Variants in ZMYND8 observed in about 807,000 individuals in gnomAD.
ZMYND8 encodes the protein MYND-type zinc finger-containing chromatin reader ZMYND8.
Under a neutral mutation model 140.8 loss-of-function variants are expected in ZMYND8, and 37 were observed. The ratio of observed to expected loss-of-function variants is 0.26; its 90% confidence interval spans 0.20 to 0.35. The LOEUF is 0.35. Ranked by LOEUF, ZMYND8 falls within the 10% of genes least tolerant of loss-of-function variation. The pLI, the probability that ZMYND8 is intolerant of heterozygous loss-of-function variation, is 1.00. For synonymous variants in ZMYND8, 592 were observed against 597.1 expected (o/e 0.99, Z 0.12); for missense variants, 1,068 against 1,570.0 (o/e 0.68, Z 5.40).
rs369646560 is a variant in ZMYND8 at position 47,236,467 on chromosome 20, G to A, written c.2715C>T (p.Thr905=). 3 of 1,609,912 alleles carry A rather than the reference G, an allele frequency of 1.9e-6. No individual in the cohort carries two copies. Among genetic ancestry groups the A allele is most frequent in the Non-Finnish European group, 2.5e-6 (3 of 1,177,716 alleles). The stretch of plus-strand genomic sequence containing the variant: ...GCGATGACTGTGTGCTGGTCACCAG[G>A]GTGATGGTGGACGTGGATGGGCTCT... The part of the protein sequence containing the change: ...ITQSPSTSTI[T]LVTSTQSSPL... The change falls in exon 16 of 23, where the codon ACC becomes ACT. Residue 905 remains threonine (T), a synonymous_variant. Coordinates refer to ENST00000471951, the MANE Select transcript of ZMYND8 (RefSeq NM_001281775.3).
chr20:47,308,904 C>T (rs1027943031), intron 3 of ZMYND8, among the ~76,000 whole-genome samples: 2 of 152,226 alleles, frequency 1.3e-5, no homozygotes, highest in Non-Finnish European at 2.9e-5. Context: ...CCAGGGCCCA[C>T]TCCTCTACTC....
chr20:47,324,870 T>C (rs937178700), intron 2 of ZMYND8, among the ~76,000 whole-genome samples: 3 of 152,344 alleles, frequency 2.0e-5, no homozygotes, highest in African/African-American at 7.2e-5. Context: ...AAGTTATTTT[T>C]TTCCCTTCAT....
intron 2 of ZMYND8, among the ~76,000 whole-genome samples, chr20:47,335,679 A>C (rs1042358455): frequency 6.6e-6 from 1 of 152,226 alleles, no homozygotes; most frequent in African/African-American, 2.4e-5. Context: ...AATAATAGTC[A>C]CACAAACATA....
At chr20:47,265,068 A>ATATATATATATATATATATATATATAT (rs1555948705) in intron 11 of ZMYND8, among the ~76,000 whole-genome samples, 1 of 144,490 alleles carries the variant, frequency 6.9e-6, no homozygotes, top group South Asian at 2.2e-4. Flanking sequence ...ATATATATAT[A>ATATATATATATATATATATATATATAT]GGCATTTTAA....
chr20:47,293,220 G>C (rs143798320), intron 5 of ZMYND8, among the ~76,000 whole-genome samples: 26 of 74,298 alleles, frequency 3.5e-4, no homozygotes, highest in South Asian at 5.5e-4. Context: ...GGCAGGCAGG[G>C]AGGGAGGGAG....
rs781684374 is a variant in ZMYND8 at position 47,347,853 on chromosome 20, C to A, written c.85+3G>T. On this transcript the variant is annotated splice_donor_region_variant and intron_variant, in intron 2 of 22. Coordinates refer to ENST00000471951, the MANE Select transcript of ZMYND8 (RefSeq NM_001281775.3). ...GAATAGATAATACAAGATTTTTACT[C>A]ACCTTTGGAGCGAGTAGAGATATCC... 6.2e-7 allele frequency: 1 copy of A among 1,613,542 alleles called. No individual in the cohort carries two copies. Among genetic ancestry groups the A allele is most frequent in the Non-Finnish European group, 8.5e-7 (1 of 1,179,904 alleles).
intron 3 of ZMYND8, among the ~76,000 whole-genome samples, chr20:47,303,245 T>TAC (rs1489992699): frequency 6.6e-6 from 1 of 152,042 alleles, no homozygotes; most frequent in African/African-American, 2.4e-5. Context: ...AGATAAGCTA[T>TAC]ACATACCAAG....
chr20:47,255,112 G>A (rs764699452), intron 12 of ZMYND8, among the ~76,000 whole-genome samples: 20 of 152,024 alleles, frequency 1.3e-4, no homozygotes, highest in Non-Finnish European at 2.5e-4. Flanking sequence ...ACAGAGCGAC[G>A]CTCCATCTCA....
At chr20:47,331,315 C>T (rs1422237981) in intron 2 of ZMYND8, among the ~76,000 whole-genome samples, 1 of 152,096 alleles carries the variant, frequency 6.6e-6, no homozygotes, top group African/African-American at 2.4e-5. Flanking sequence ...TGGTGATAGG[C>T]TGGTTGAAGT....
chr20:47,338,339 C>T (rs2081551389), intron 2 of ZMYND8, among the ~76,000 whole-genome samples: 1 of 152,100 alleles, frequency 6.6e-6, no homozygotes. Context: ...GCAGTCCATC[C>T]CTTTCCTGCT....
At chr20:47,356,344 AAAG>A (rs756591020) in intron 1 of ZMYND8, 100 of 1,461,786 alleles carry the variant, frequency 6.8e-5, no homozygotes, top group African/African-American at 3.4e-4. Flanking sequence ...AAAAAAAAAA[AAAG>A]AAGGAAAAAA....
intron 2 of ZMYND8, among the ~76,000 whole-genome samples, chr20:47,313,402 T>A: frequency 6.8e-6 from 1 of 147,822 alleles, no homozygotes; most frequent in Non-Finnish European, 1.5e-5. Context: ...GCGGGCGGAT[T>A]ACAAAGTCAG....
At chr20:47,216,737 G>A (rs1297681320) in intron 21 of ZMYND8, among the ~76,000 whole-genome samples, 2 of 152,086 alleles carry the variant, frequency 1.3e-5, no homozygotes, top group Non-Finnish European at 2.9e-5. Context: ...AACCCAGGAG[G>A]CAGAGGTTGC....
At chr20:47,217,330 T>C (rs1019983069) in intron 21 of ZMYND8, among the ~76,000 whole-genome samples, 1 of 152,190 alleles carries the variant, frequency 6.6e-6, no homozygotes, top group Non-Finnish European at 1.5e-5. Context: ...TGACATATGG[T>C]TGCAAGCATG....
intron 11 of ZMYND8, among the ~76,000 whole-genome samples, chr20:47,268,308 T>C (rs6066258): frequency 0.28 from 40,672 of 143,258 alleles, 5,724 homozygotes; most frequent in East Asian, 0.38. Context: ...TTTTTTTTTT[T>C]TTCAGAAGGG....
In ZMYND8 at chr20:47,276,170, T is replaced by G. The variant is rs2076244524; in HGVS notation, c.1480+144A>C. ...TTACTAGCAGCAAGAACTCCACTGG[T>G]GACTTCTTGAAAATCTGCTCTGTGG... is the stretch of plus-strand genomic sequence containing the variant. On this transcript the variant is annotated intron_variant, in intron 11 of 22. Transcript: ENST00000471951. The G allele has an allele frequency of 2.1e-5, 25 of 1,181,944 alleles. No individual in the cohort carries two copies. In the South Asian group the frequency reaches 7.5e-4, roughly 35 times the overall value. The allele number at this position is 1,181,944 out of a possible 1,614,324, so 73.2% of individuals were successfully genotyped here. A position where few individuals can be genotyped will look rare whatever the true frequency, so the allele number is the denominator to read the frequency against.
chr20:47,305,933 A>G (rs2148154430), intron 3 of ZMYND8, among the ~76,000 whole-genome samples: 1 of 152,282 alleles, frequency 6.6e-6, no homozygotes, highest in South Asian at 2.1e-4. Flanking sequence ...CAGGACATCC[A>G]TTTAGCAACC....
intron 2 of ZMYND8, among the ~76,000 whole-genome samples, chr20:47,321,145 C>A (rs1258382505): frequency 6.6e-6 from 1 of 152,132 alleles, no homozygotes; most frequent in Non-Finnish European, 1.5e-5. Context: ...TTTGGGGAAA[C>A]TGGGTGATAA....
chr20:47,355,069 C>T (rs767809100), intron 1 of ZMYND8, among the ~76,000 whole-genome samples: 1 of 152,142 alleles, frequency 6.6e-6, no homozygotes, highest in Non-Finnish European at 1.5e-5. Flanking sequence ...CCAGCTTCTA[C>T]ACCACCAATG....
Sources: gnomAD v4.1 joint callset for allele counts (sites outside exome capture counted in the v4.1 genomes callset) on GRCh38, gnomAD v4.1.1 for gene constraint, MANE v1.5 for transcripts, NCBI Gene and HGNC (gene_info 2026-07-23, HGNC 2026-07-21) for gene names.